Variants in PBX4 observed in about 807,000 individuals in gnomAD.
PBX4 encodes PBX homeobox 4, also known as pre-B-cell leukemia transcription factor 4.
PBX4 carries 26 observed loss-of-function variants against 35.1 expected under a neutral mutation model. The observed-to-expected ratio is 0.74, with a 90% confidence interval of 0.54 to 1.03. The LOEUF is 1.03. PBX4 is among the 50% of genes least tolerant of loss of function. PBX4 has a pLI of 0.00. For synonymous variants in PBX4, 199 were observed against 204.2 expected (o/e 0.97, Z 0.22); for missense variants, 448 against 504.3 (o/e 0.89, Z 1.07).
rs766903302 is a variant in PBX4, at chr19:19,570,759, C to CCAG, written c.265_267dup (p.Leu89dup). ...TTCTCGGGCCTGCACACGCCCTCAG[C>CCAG]CAGCAGCATGTTATCCAGCCTCAGG... On this transcript the variant is annotated inframe_insertion, in exon 3 of 8. Transcript: ENST00000251203. 1.7e-5 allele frequency: 27 copies of CCAG among 1,613,998 alleles called. No individual in the cohort carries two copies. The Middle Eastern group carries it at 1.3e-3, about 79-fold the overall frequency.
Position 19,563,475 on chromosome 19 carries a change from A to C in PBX4, c.1032+34T>G. The C allele has an allele frequency of 6.8e-7, 1 of 1,479,164 alleles. No individual in the cohort carries two copies. The highest frequency in any genetic ancestry group is 9.1e-7 in the Non-Finnish European group (1 of 1,094,224). The allele number at this position is 1,479,164 out of a possible 1,614,324, so 91.6% of individuals were successfully genotyped here. On this transcript the variant is annotated intron_variant, in intron 7 of 7. Transcript: ENST00000251203. The surrounding 1 kb of genome is among the most constrained non-coding windows in gnomAD (Gnocchi z 5.1). ...GACCCTTTCTGAGAACCTACCACCCACCTGGGCGCTGTGGGACAGTGCCTG... is the reference window on the plus strand; with the variant it reads ...GACCCTTTCTGAGAACCTACCACCCCCCTGGGCGCTGTGGGACAGTGCCTG...
rs1030209007 is a variant in PBX4 at position 19,567,823 on chromosome 19, C to T, written c.768+1626G>A. 4.6e-5 allele frequency among the ~76,000 whole-genome samples: 7 copies of T among 151,026 alleles called. No homozygotes were observed. In the East Asian group the frequency reaches 1.4e-3, roughly 30 times the overall value. The stretch of plus-strand genomic sequence containing the variant: ...GTCACCTCAGGGGGCTCACACTCCA[C>T]AGCATCCCCCAGGGAACTCACACTC... On this transcript the variant is annotated intron_variant, in intron 5 of 7. Coordinates refer to ENST00000251203, the MANE Select transcript of PBX4 (RefSeq NM_025245.3).
intron 1 of PBX4, among the ~76,000 whole-genome samples, chr19:19,617,294 C>T (rs1296347686): frequency 2.6e-5 from 4 of 152,062 alleles, no homozygotes; most frequent in Non-Finnish European, 5.9e-5. Flanking sequence ...CCTACCCATG[C>T]TACCATGCCT....
intron 1 of PBX4, among the ~76,000 whole-genome samples, chr19:19,605,165 C>T (rs981052477): frequency 2.6e-5 from 4 of 151,210 alleles, no homozygotes; most frequent in Non-Finnish European, 4.4e-5. Flanking sequence ...CGCCTGGAAT[C>T]CCAGCACTTT....
chr19:19,607,419 A>G (rs985329457), intron 1 of PBX4, among the ~76,000 whole-genome samples: 2 of 152,172 alleles, frequency 1.3e-5, no homozygotes, highest in Non-Finnish European at 2.9e-5. Context: ...AAGAACAGTA[A>G]ATCTTTTAAA....
intron 2 of PBX4, chr19:19,579,943 C>T (rs2061443541): frequency 6.6e-6 from 1 of 152,358 alleles, no homozygotes; most frequent in African/African-American, 2.4e-5. Context: ...CTCCCCATCT[C>T]CCCCCACCAT....
chr19:19,568,363 G>A (rs1455664722), intron 5 of PBX4, among the ~76,000 whole-genome samples: 1 of 140,750 alleles, frequency 7.1e-6, no homozygotes, highest in Non-Finnish European at 1.5e-5. Context: ...CCCTCAGGGA[G>A]CTCACACTCT....
chr19:19,562,454 A>T lies in PBX4; in HGVS notation c.1033-337T>A, dbSNP rs1478643537. Among the ~76,000 whole-genome samples the T allele has an allele frequency of 6.6e-6, 1 of 152,146 alleles. No individual in the cohort carries two copies. The highest frequency in any genetic ancestry group is 1.5e-5 in the Non-Finnish European group (1 of 68,026). ...GGAGGCAAGGTCAGGCCTGGAGCCC[A>T]TGATGACGCCCGGAGCGTCATGGTG... On this transcript the variant is annotated intron_variant, in intron 7 of 7. Transcript: ENST00000251203. The surrounding 1 kb of genome is among the most constrained non-coding windows in gnomAD (Gnocchi z 4.8).
intron 1 of PBX4, among the ~76,000 whole-genome samples, chr19:19,612,813 C>T (rs1049393535): frequency 6.6e-6 from 1 of 151,770 alleles, no homozygotes; most frequent in Non-Finnish European, 1.5e-5. Context: ...GCATGAATAA[C>T]GCCCCCCACC....
intron 2 of PBX4, among the ~76,000 whole-genome samples, chr19:19,573,466 T>G (rs2144720341): frequency 6.6e-6 from 1 of 151,696 alleles, no homozygotes; most frequent in East Asian, 1.9e-4. Flanking sequence ...TCAAGAAGAA[T>G]CCACACACCC....
chr19:19,568,777 C>A (rs2144708059), intron 5 of PBX4, among the ~76,000 whole-genome samples: 1 of 152,196 alleles, frequency 6.6e-6, no homozygotes, highest in South Asian at 2.1e-4. Flanking sequence ...GGAGCTCATA[C>A]TCTGTCTGTA....
chr19:19,591,243 C>T (rs2061526019), intron 2 of PBX4, among the ~76,000 whole-genome samples: 1 of 152,128 alleles, frequency 6.6e-6, no homozygotes, highest in Non-Finnish European at 1.5e-5. Context: ...GACTCATAGG[C>T]CTCAGGGTGA....
chr19:19,613,407 G>C (rs2061672925), intron 1 of PBX4, among the ~76,000 whole-genome samples: 1 of 146,174 alleles, frequency 6.8e-6, no homozygotes, highest in Non-Finnish European at 1.5e-5. Context: ...GGCAGAAGTT[G>C]CAGTGAGCCA....
At chr19:19,606,816 C>A (rs1293225316) in intron 1 of PBX4, 1 of 151,982 alleles carries the variant, frequency 6.6e-6, no homozygotes, top group Non-Finnish European at 1.5e-5. Context: ...CATGGTGAAA[C>A]CCCGTCTGTA....
At chr19:19,613,951 C>G (rs531218216) in intron 1 of PBX4, among the ~76,000 whole-genome samples, 7 of 152,286 alleles carry the variant, frequency 4.6e-5, no homozygotes, top group Non-Finnish European at 8.8e-5. Context: ...ACAAGTTGGT[C>G]TCCCACACAC....
chr19:19,592,351 G>C (rs2061534043), intron 2 of PBX4, among the ~76,000 whole-genome samples: 1 of 152,214 alleles, frequency 6.6e-6, no homozygotes, highest in Non-Finnish European at 1.5e-5. Flanking sequence ...ACACCGAGGA[G>C]GACAGCTGTT....
chr19:19,597,860 G>A (rs1044539258), intron 2 of PBX4, among the ~76,000 whole-genome samples: 1 of 152,164 alleles, frequency 6.6e-6, no homozygotes, highest in African/African-American at 2.4e-5. Flanking sequence ...CATATTGACA[G>A]CATGTTTTCC....
chr19:19,600,946 C>T (rs944055658), intron 1 of PBX4, among the ~76,000 whole-genome samples: 1 of 152,208 alleles, frequency 6.6e-6, no homozygotes, highest in African/African-American at 2.4e-5. Flanking sequence ...CACCAATCAT[C>T]CTCTTCCAGT....
At chr19:19,583,075 T>C (rs1214261667) in intron 2 of PBX4, among the ~76,000 whole-genome samples, 1 of 152,124 alleles carries the variant, frequency 6.6e-6, no homozygotes, top group African/African-American at 2.4e-5. Context: ...CCCAGCACTT[T>C]GGGAGGCTGA....
Sources: allele counts gnomAD v4.1 joint callset (sites outside exome capture counted in the v4.1 genomes callset), GRCh38; gene constraint gnomAD v4.1.1; non-coding constraint Gnocchi (gnomAD v3.1); transcripts MANE v1.5; gene names NCBI Gene and HGNC (gene_info 2026-07-23, HGNC 2026-07-21).